Variants in EYS observed in about 807,000 individuals in gnomAD.
EYS encodes the protein protein eyes shut homolog.
Under a neutral mutation model 282.1 loss-of-function variants are expected in EYS, and 250 were observed. That is an observed-to-expected ratio of 0.89 (90% confidence interval 0.80 to 0.98). EYS has a LOEUF of 0.98. Among genes scored for constraint, EYS ranks in the 50% least tolerant of loss-of-function variants. The pLI is 0.00. For synonymous variants in EYS, 1,355 were observed against 1,282.9 expected, an observed-to-expected ratio of 1.06 and a Z score of -1.20; for missense variants, 4,016 against 3,709.0, an observed-to-expected ratio of 1.08 and a Z score of -2.15.
At chr6:64,319,692 T>TGGATGGATGGATGGATGGAC (rs1416890824) in intron 29 of EYS, among the ~76,000 whole-genome samples, 1 of 97,476 alleles carries the variant, frequency 1.0e-5, no homozygotes, top group Non-Finnish European at 2.3e-5. Flanking sequence ...CAATCTCAGA[T>TGGATGGATGGATGGATGGAC]GGATGGATGG....
chr6:64,295,518 A>AAGAAGAAGAAAG (rs1554140755), intron 30 of EYS, among the ~76,000 whole-genome samples: 1 of 35,902 alleles, frequency 2.8e-5, no homozygotes, highest in African/African-American at 2.0e-4. Flanking sequence ...AAGAAAGAAG[A>AAGAAGAAGAAAG]AAGAAGAAAG....
At chr6:64,350,152 T>C (rs1253526519) in intron 29 of EYS, among the ~76,000 whole-genome samples, 1 of 151,560 alleles carries the variant, frequency 6.6e-6, no homozygotes, top group Non-Finnish European at 1.5e-5. Flanking sequence ...CTAATAATGA[T>C]AACATTTTTT....
At chr6:64,276,612 G>A (rs1039071721) in intron 30 of EYS, among the ~76,000 whole-genome samples, 1 of 152,110 alleles carries the variant, frequency 6.6e-6, no homozygotes, top group Non-Finnish European at 1.5e-5. Context: ...TCAATAAAAG[G>A]AAAGACGGTA....
chr6:65,524,830 C>T (rs1346011342), intron 2 of EYS, among the ~76,000 whole-genome samples: 1 of 152,208 alleles, frequency 6.6e-6, no homozygotes, highest in African/African-American at 2.4e-5. Context: ...GAACAAAATG[C>T]TGCCTCTTTT....
intron 31 of EYS, among the ~76,000 whole-genome samples, chr6:64,156,416 T>A (rs1167287162): frequency 6.6e-6 from 1 of 152,168 alleles, no homozygotes; most frequent in Non-Finnish European, 1.5e-5. Flanking sequence ...TATGTCTTTA[T>A]CAGCAATGTG....
intron 31 of EYS, among the ~76,000 whole-genome samples, chr6:64,134,579 A>T (rs1438612242): frequency 6.6e-6 from 1 of 152,042 alleles, no homozygotes; most frequent in African/African-American, 2.4e-5. Flanking sequence ...CCTGACAGGG[A>T]AGTATAATTA....
In EYS at chr6:65,009,613, C is replaced by T. The variant is rs182577245; in HGVS notation, c.2138-11910G>A. On this transcript the variant is annotated intron_variant, in intron 13 of 42. Coordinates refer to ENST00000503581, the MANE Select transcript of EYS (RefSeq NM_001142800.2). ...TCAGAGATAGCCCCCATCTATTAGGCATTAGCCCAAGACTTGAGTCAATTC... is the reference window on the plus strand; with the variant it reads ...TCAGAGATAGCCCCCATCTATTAGGTATTAGCCCAAGACTTGAGTCAATTC... Among the ~76,000 whole-genome samples, 6 of 152,296 alleles carry T rather than the reference C, an allele frequency of 3.9e-5. No individual in the cohort carries two copies. The East Asian group carries it at 1.2e-3, about 29-fold the overall frequency.
chr6:64,353,348 A>G (rs1771711056), intron 29 of EYS, among the ~76,000 whole-genome samples: 1 of 151,544 alleles, frequency 6.6e-6, no homozygotes, highest in Admixed American at 6.6e-5. Flanking sequence ...GAGCACTAAA[A>G]CATTTAAAAT....
chr6:64,777,379 G>A (rs1773712009), intron 22 of EYS, among the ~76,000 whole-genome samples: 1 of 152,062 alleles, frequency 6.6e-6, no homozygotes, highest in Non-Finnish European at 1.5e-5. Context: ...TGCTGTTGGA[G>A]TGTTGAATCC....
intron 37 of EYS, among the ~76,000 whole-genome samples, chr6:63,794,028 T>C (rs1770581231): frequency 6.6e-6 from 1 of 152,180 alleles, no homozygotes; most frequent in South Asian, 2.1e-4. Context: ...ACACTGTCCA[T>C]GCAGCAGAGA....
chr6:65,564,561 G>A (rs1769200439), intron 2 of EYS, among the ~76,000 whole-genome samples: 1 of 152,056 alleles, frequency 6.6e-6, no homozygotes, highest in Non-Finnish European at 1.5e-5. Flanking sequence ...TGGGAAAACT[G>A]GCTAGCCATA....
chr6:64,285,866 A>G (rs1001993933), intron 30 of EYS, among the ~76,000 whole-genome samples: 8 of 152,148 alleles, frequency 5.3e-5, no homozygotes, highest in Non-Finnish European at 8.8e-5. Flanking sequence ...AAACCGCCCC[A>G]TGATTCAAAT....
In EYS at chr6:64,822,923, C is replaced by G. The variant is rs76702528; in HGVS notation, c.2993-101G>C. ...ACATCACCAAGAAATGAAGACCTCT[C>G]TCTATAATGATAACTTGGTATTTGG... On this transcript the variant is annotated intron_variant, in intron 19 of 42. Transcript: ENST00000503581. 2,985 of 876,102 alleles carry G rather than the reference C, an allele frequency of 3.4e-3. 97 individuals are homozygous for G. The East Asian group carries it at 0.069, about 20-fold the overall frequency. The allele number at this position is 876,102 out of a possible 1,614,324, so 54.3% of individuals were successfully genotyped here.
chr6:65,345,410 TC>T (rs1770356532), intron 9 of EYS, among the ~76,000 whole-genome samples: 1 of 151,792 alleles, frequency 6.6e-6, no homozygotes, highest in Admixed American at 6.6e-5. Context: ...TGATATGTGT[TC>T]CTCCCTCTGT....
intron 28 of EYS, among the ~76,000 whole-genome samples, chr6:64,393,184 C>A (rs1389177138): frequency 1.3e-5 from 2 of 152,106 alleles, no homozygotes; most frequent in Non-Finnish European, 2.9e-5. Flanking sequence ...GGATTCACAG[C>A]CGAATTCTAC....
rs151081770 is a variant in EYS, at chr6:64,572,472, A to G, written c.5644+17751T>C. 3.0e-3 allele frequency among the ~76,000 whole-genome samples: 462 copies of G among 152,134 alleles called. 1 individual carries two copies. The highest frequency in any genetic ancestry group is 1.0e-2 in the African/African-American group (414 of 41,554). On this transcript the variant is annotated intron_variant, in intron 26 of 42. Coordinates refer to ENST00000503581, the MANE Select transcript of EYS (RefSeq NM_001142800.2). ...GAGAGGAAGTCAAATTGTCTGTGTCAAATTTGCAAATCAAGTCAAATTGCA... is the reference window on the plus strand; with the variant it reads ...GAGAGGAAGTCAAATTGTCTGTGTCGAATTTGCAAATCAAGTCAAATTGCA...
chr6:65,392,446 A>G (rs1420635036), intron 7 of EYS, among the ~76,000 whole-genome samples: 1 of 152,206 alleles, frequency 6.6e-6, no homozygotes, highest in Non-Finnish European at 1.5e-5. Flanking sequence ...AATATCCAGA[A>G]TCTACAATGA....
intron 12 of EYS, among the ~76,000 whole-genome samples, chr6:65,272,208 G>GT (rs1767924921): frequency 6.6e-6 from 1 of 152,162 alleles, no homozygotes. Context: ...TAAGTGGTTG[G>GT]TTAGGAGTAC....
intron 35 of EYS, among the ~76,000 whole-genome samples, chr6:63,907,826 G>A (rs1197829698): frequency 1.3e-5 from 2 of 151,664 alleles, no homozygotes; most frequent in Non-Finnish European, 2.9e-5. Context: ...GTGTTCATGT[G>A]TATACATTAT....
Sources: allele counts gnomAD v4.1 joint callset (sites outside exome capture counted in the v4.1 genomes callset), GRCh38; gene constraint gnomAD v4.1.1; transcripts MANE v1.5; gene names NCBI Gene and HGNC (gene_info 2026-07-23, HGNC 2026-07-21).